RBFOX1: variants seen among roughly 807,000 people sequenced by gnomAD.
The protein encoded by RBFOX1 is RNA binding fox-1 homolog 1.
In RBFOX1, 8 loss-of-function variants were observed where a neutral mutation model predicts 57.7. The ratio of observed to expected loss-of-function variants is 0.14; its 90% CI spans 0.08 to 0.25. The LOEUF (loss-of-function observed/expected upper bound fraction) is 0.25, where lower values mean the gene tolerates loss of function less well. Ranked by LOEUF, RBFOX1 falls within the 10% of genes least tolerant of loss-of-function variation. The pLI is 1.00. For missense variants in RBFOX1, 611 were observed against 548.5 expected (o/e 1.11, Z -1.14); for synonymous variants, 326 against 222.4 (o/e 1.47, Z -4.15).
intron 4 of RBFOX1, among the ~76,000 whole-genome samples, chr16:5,909,996 T>C (rs1262074452): frequency 1.3e-5 from 2 of 151,836 alleles, no homozygotes; most frequent in African/African-American, 2.4e-5. Context: ...GAGGTTGCAG[T>C]GAGCCAAGAT....
At chr16:6,922,105 C>A (rs772367421) in intron 3 of RBFOX1, among the ~76,000 whole-genome samples, 6 of 152,280 alleles carry the variant, frequency 3.9e-5, no homozygotes, top group African/African-American at 1.4e-4. Context: ...CTACAACTTT[C>A]TTCACACAGG....
intron 2 of RBFOX1, among the ~76,000 whole-genome samples, chr16:6,582,396 C>T (rs1346613030): frequency 6.6e-6 from 1 of 151,408 alleles, no homozygotes; most frequent in Non-Finnish European, 1.5e-5. Flanking sequence ...CATAATGTTG[C>T]ATTTTGGAGA....
chr16:6,154,872 G>A lies in RBFOX1; in HGVS notation c.-127+134880G>A, dbSNP rs187446462. On this transcript the variant is annotated intron_variant, in intron 1 of 15. Coordinates refer to ENST00000550418, the MANE Select transcript of RBFOX1 (RefSeq NM_018723.4). ...TACAAAACAATGTAAAAAAATGAAA[G>A]GGTAATAAAAAGCAATTGTGTGTTT... 6.6e-4 allele frequency among the ~76,000 whole-genome samples: 101 copies of A among 152,236 alleles called. No individual in the cohort carries two copies. In the East Asian group the frequency reaches 0.018, roughly 26 times the overall value.
At chr16:6,108,930 T>C (rs1317493505) in intron 1 of RBFOX1, among the ~76,000 whole-genome samples, 1 of 152,184 alleles carries the variant, frequency 6.6e-6, no homozygotes, top group African/African-American at 2.4e-5. Flanking sequence ...AATCACCCCA[T>C]CTGAAGATCA....
At chr16:6,105,879 C>T (rs1274308334) in intron 1 of RBFOX1, among the ~76,000 whole-genome samples, 1 of 152,008 alleles carries the variant, frequency 6.6e-6, no homozygotes, top group African/African-American at 2.4e-5. Context: ...GGATATTTTC[C>T]TCCATGTCAT....
At chr16:6,256,221 G>GTA (rs1368612642) in intron 1 of RBFOX1, among the ~76,000 whole-genome samples, 15 of 76,608 alleles carry the variant, frequency 2.0e-4, no homozygotes, top group South Asian at 8.1e-4. Context: ...GTATATATAT[G>GTA]TATATATATA....
chr16:5,412,893 C>T (rs1054137257), intron 1 of RBFOX1, among the ~76,000 whole-genome samples: 2 of 152,186 alleles, frequency 1.3e-5, no homozygotes, highest in Admixed American at 1.3e-4. Context: ...TGGAATTCCC[C>T]AGCGAGAGGC....
At chr16:6,629,826 A>C (rs2098360535) in intron 2 of RBFOX1, among the ~76,000 whole-genome samples, 1 of 152,172 alleles carries the variant, frequency 6.6e-6, no homozygotes, top group South Asian at 2.1e-4. Context: ...CCTTTTAATC[A>C]GACGTTTTAT....
chr16:5,616,919 T>C (rs1410214827), intron 3 of RBFOX1, among the ~76,000 whole-genome samples: 1 of 143,472 alleles, frequency 7.0e-6, no homozygotes, highest in Non-Finnish European at 1.5e-5. Flanking sequence ...CCCCCTCACT[T>C]TGGCTCAGCC....
chr16:7,395,311 A>C (rs903925651), intron 4 of RBFOX1, among the ~76,000 whole-genome samples: 1 of 152,244 alleles, frequency 6.6e-6, no homozygotes, highest in African/African-American at 2.4e-5. Context: ...GAGAATGCAG[A>C]AGTCATCACT....
At chr16:5,888,700 G>T (rs766855387) in intron 4 of RBFOX1, among the ~76,000 whole-genome samples, 2 of 151,492 alleles carry the variant, frequency 1.3e-5, no homozygotes, top group Non-Finnish European at 2.9e-5. Context: ...CAAGGCTGAG[G>T]CAGGAGAATT....
chr16:6,645,850 T>C (rs758640802), intron 2 of RBFOX1, among the ~76,000 whole-genome samples: 1 of 152,068 alleles, frequency 6.6e-6, no homozygotes, highest in African/African-American at 2.4e-5. Context: ...TATGCTTCTC[T>C]TACAAATAGG....
At chr16:7,162,222 A>T (rs1050165902) in intron 4 of RBFOX1, among the ~76,000 whole-genome samples, 18 of 152,146 alleles carry the variant, frequency 1.2e-4, no homozygotes, top group Admixed American at 3.3e-4. Context: ...TTAAAATATT[A>T]TCTACAATTT....
At chr16:6,774,950 C>G (rs1182101739) in intron 3 of RBFOX1, among the ~76,000 whole-genome samples, 5 of 151,782 alleles carry the variant, frequency 3.3e-5, no homozygotes, top group Non-Finnish European at 7.4e-5. Flanking sequence ...GTCTATAGGC[C>G]CTAATCTCAT....
chr16:6,552,012 A>T (rs1018753042), intron 2 of RBFOX1, among the ~76,000 whole-genome samples: 3 of 152,216 alleles, frequency 2.0e-5, no homozygotes, highest in Non-Finnish European at 4.4e-5. Flanking sequence ...AACATCTATT[A>T]GTTCAGCAGG....
chr16:7,028,603 CACACACAAAAAA>C (rs1441710788), intron 3 of RBFOX1, among the ~76,000 whole-genome samples: 151 of 32,570 alleles, frequency 4.6e-3, no homozygotes, highest in African/African-American at 0.022. Context: ...CACACACACA[CACACACAAAAAA>C]AAAAAAAAAA....
intron 4 of RBFOX1, among the ~76,000 whole-genome samples, chr16:7,061,531 A>T (rs768262127): frequency 6.6e-6 from 1 of 152,108 alleles, no homozygotes; most frequent in African/African-American, 2.4e-5. Context: ...TAATTCTTTG[A>T]GTCTCCCCAG....
chr16:6,533,482 C>G (rs771165906), intron 2 of RBFOX1, among the ~76,000 whole-genome samples: 8 of 152,164 alleles, frequency 5.3e-5, no homozygotes, highest in Non-Finnish European at 8.8e-5. Context: ...TGGTTCTGGA[C>G]TCTACACTTG....
At chr16:6,049,372 T>G (rs948510288) in intron 1 of RBFOX1, among the ~76,000 whole-genome samples, 3 of 152,066 alleles carry the variant, frequency 2.0e-5, no homozygotes, top group African/African-American at 7.2e-5. Context: ...TATTTAAAAG[T>G]AGAGAGAATA....
Sources: allele counts gnomAD v4.1 joint callset (sites outside exome capture counted in the v4.1 genomes callset), GRCh38; gene constraint gnomAD v4.1.1; transcripts MANE v1.5; gene names NCBI Gene and HGNC (gene_info 2026-07-23, HGNC 2026-07-21).